The following MTARC1 variants were observed in gnomAD, a reference collection of about 807,000 sequenced individuals.
The protein encoded by MTARC1 is mitochondrial amidoxime-reducing component 1.
Under a neutral mutation model 33.6 loss-of-function variants are expected in MTARC1, and 24 were observed. The observed-to-expected ratio is 0.72, with a 90% CI of 0.52 to 1.01. MTARC1 has a LOEUF of 1.01. Ranked by LOEUF, MTARC1 falls within the 50% of genes least tolerant of loss-of-function variation. The pLI, the probability that MTARC1 is intolerant of heterozygous loss-of-function variation, is 0.00. For synonymous variants in MTARC1, 187 were observed against 189.5 expected, an observed-to-expected ratio of 0.99 and a Z score of 0.11; for missense variants, 417 against 445.7, an observed-to-expected ratio of 0.94 and a Z score of 0.58.
At chr1:220,791,461 C>T in intron 1 of MTARC1, 30 bp from the exon 2 acceptor site, 3 of 1,607,590 alleles carry the variant, frequency 1.9e-6, no homozygotes, top group Non-Finnish European at 2.6e-6. Context: ...CATAATGGTT[C>T]ACACATATCC....
At position 220,787,206 on chromosome 1, in the gene MTARC1, A is replaced by C. The variant is rs1311711737; in HGVS notation, c.262A>C (p.Asn88His). 1 of 1,572,938 alleles carries C rather than the reference A, an allele frequency of 6.4e-7. No homozygotes were observed. The highest frequency in any genetic ancestry group is 1.8e-5 in the Admixed American group (1 of 54,952). Reference sequence around the variant, plus strand: ...CACGGCCATGGGGCTGCGCAGCGGCAACCTGCGGGACAGGTACGGCCAAGC... The same window carrying C: ...CACGGCCATGGGGCTGCGCAGCGGCCACCTGCGGGACAGGTACGGCCAAGC... The part of the protein sequence containing the change: ...ECTAMGLRSG[N>H]LRDRFWLVIN... Residue 88 changes from asparagine to histidine, a missense_variant, in exon 1 of 7, where the codon AAC becomes CAC. Physicochemically the swap from Asn to His is moderately conservative, Grantham distance 68 (BLOSUM62 1). Coordinates refer to ENST00000366910, the MANE Select transcript of MTARC1 (RefSeq NM_022746.4).
chr1:220,803,819 T>C (rs1429036187), intron 4 of MTARC1, among the ~76,000 whole-genome samples: 2 of 152,184 alleles, frequency 1.3e-5, no homozygotes, highest in South Asian at 2.1e-4. Context: ...GTGACCATAG[T>C]GCCCCCTTGT....
rs72470601 is a variant in MTARC1, at chr1:220,798,000, G to A, written c.739G>A (p.Asp247Asn). 4.6e-4 allele frequency: 740 copies of A among 1,614,198 alleles called. 4 individuals are homozygous for A. The highest frequency in any genetic ancestry group is 2.9e-4 in the Non-Finnish European group (340 of 1,180,012). The change falls in exon 4 of 7, where the codon GAT becomes AAT. Residue 247 changes from aspartate to asparagine, a missense_variant. Coordinates refer to ENST00000366910, the MANE Select transcript of MTARC1 (RefSeq NM_022746.4). ...FRPNIVISGC[D>N]VYAEDSWDEL... ...GCCCAATATTGTAATTTCAGGATGC[G>A]ATGTCTATGCAGAGGTAACACTATG...
chr1:220,801,842 G>A (rs1672816267), intron 4 of MTARC1, among the ~76,000 whole-genome samples: 1 of 152,088 alleles, frequency 6.6e-6, no homozygotes, highest in South Asian at 2.1e-4. Context: ...CTGGAAAGCA[G>A]ACCCACTCCT....
At chr1:220,796,438 A>C (rs1446338138) in intron 2 of MTARC1, among the ~76,000 whole-genome samples, 1 of 152,228 alleles carries the variant, frequency 6.6e-6, no homozygotes, top group Non-Finnish European at 1.5e-5. Flanking sequence ...AAAATGAGGA[A>C]AGCAATGCTT....
chr1:220,814,998 AG>A lies in MTARC1; in HGVS notation c.*1581del, dbSNP rs1234240877. 10 of 152,354 alleles carry A rather than the reference AG, an allele frequency of 6.6e-5. No individual in the cohort carries two copies. Among genetic ancestry groups the A allele is most frequent in the African/African-American group, 2.2e-4 (9 of 41,588 alleles). The allele number at this position is 152,354 out of a possible 1,614,324, so 9.4% of individuals were successfully genotyped here. A position where few individuals can be genotyped will look rare whatever the true frequency, so the allele number is the denominator to read the frequency against. ...AGCCCTGAAGTAAAGTTCTGAGCAA[AG>A]AGGTGCATGTGCTTGTTTTATGGTT... On this transcript the variant is annotated 3_prime_UTR_variant, in exon 7 of 7. Coordinates refer to ENST00000366910, the MANE Select transcript of MTARC1 (RefSeq NM_022746.4).
intron 2 of MTARC1, chr1:220,793,524 C>T (rs530668262): frequency 2.0e-5 from 3 of 152,294 alleles, no homozygotes; most frequent in South Asian, 2.1e-4. Context: ...GACAGCCCAA[C>T]CTATTCTCTT....
At position 220,797,896 on chromosome 1, in the gene MTARC1, C is replaced by T; in HGVS notation, c.635C>T (p.Pro212Leu). 3 of 1,614,200 alleles carry T rather than the reference C, an allele frequency of 1.9e-6. No homozygotes were observed. Among genetic ancestry groups the T allele is most frequent in the East Asian group, 2.2e-5 (1 of 44,882 alleles). ...CAGATTGCTTACTCAGACACCAGCC[C>T]ATTCTTGATCCTTTCTGAGGCGTCG... is the stretch of plus-strand genomic sequence containing the variant. Reference protein sequence around the residue: ...KDQIAYSDTSPFLILSEASLA... With the variant: ...KDQIAYSDTSLFLILSEASLA... The change falls in exon 4 of 7, where the codon CCA (proline) becomes CTA (leucine). Residue 212 changes from proline to leucine, a missense_variant. Transcript: ENST00000366910.
At position 220,792,091 on chromosome 1, in the gene MTARC1, A is replaced by T. The variant is rs59611661; in HGVS notation, c.449+427A>T. Among the ~76,000 whole-genome samples, 534 of 152,276 alleles carry T rather than the reference A, an allele frequency of 3.5e-3. 1 individual carries two copies. The highest frequency in any genetic ancestry group is 0.01 in the Middle Eastern group (3 of 294). On this transcript the variant is annotated intron_variant, in intron 2 of 6. Transcript: ENST00000366910. The stretch of plus-strand genomic sequence containing the variant: ...GGGCACCTTCCAAGTCTGAGTTAGG[A>T]AAGGAGTTGCAAATGGCTATGTGAC...
At chr1:220,811,067 G>GGACT (rs1441811177) in intron 6 of MTARC1, among the ~76,000 whole-genome samples, 2 of 152,208 alleles carry the variant, frequency 1.3e-5, no homozygotes, top group Non-Finnish European at 2.9e-5. Flanking sequence ...ATGAGAGTCT[G>GGACT]GACTCTTAGA....
chr1:220,811,020 T>C (rs1218285336), intron 6 of MTARC1, among the ~76,000 whole-genome samples: 1 of 152,200 alleles, frequency 6.6e-6, no homozygotes, highest in African/African-American at 2.4e-5. Flanking sequence ...CCATGTGTGA[T>C]GCGCAGAACT....
chr1:220,813,138 C>T (rs531413934), intron 6 of MTARC1, among the ~76,000 whole-genome samples, 154 bp from the exon 7 acceptor site: 11 of 152,190 alleles, frequency 7.2e-5, no homozygotes, highest in Non-Finnish European at 1.3e-4. Context: ...CTGTTCACTG[C>T]CCCACTCCAG....
chr1:220,797,476 T>C (rs892014440), intron 3 of MTARC1, among the ~76,000 whole-genome samples: 1 of 152,170 alleles, frequency 6.6e-6, no homozygotes, highest in African/African-American at 2.4e-5. Flanking sequence ...TCAACATAAA[T>C]ATTAATTTGT....
At chr1:220,807,827 C>T (rs1673014717) in intron 6 of MTARC1, among the ~76,000 whole-genome samples, 1 of 152,108 alleles carries the variant, frequency 6.6e-6, no homozygotes, top group Non-Finnish European at 1.5e-5. Flanking sequence ...AGAATTCAGT[C>T]TTCCTGTTTT....
intron 4 of MTARC1, chr1:220,798,731 G>C (rs1384749722): frequency 3.9e-6 from 3 of 767,094 alleles, no homozygotes; most frequent in Non-Finnish European, 4.8e-6. Context: ...CCACAGCTAG[G>C]AATTCAGGAG....
intron 4 of MTARC1, among the ~76,000 whole-genome samples, chr1:220,801,747 GAGA>G (rs1479249013): frequency 6.6e-6 from 1 of 152,126 alleles, no homozygotes; most frequent in Non-Finnish European, 1.5e-5. Flanking sequence ...CAGGAGCCTG[GAGA>G]AGGATTAGCG....
At chr1:220,797,805 A>T (rs1672668505) in intron 3 of MTARC1, 69 bp from the exon 4 acceptor site, 1 of 1,474,410 alleles carries the variant, frequency 6.8e-7, no homozygotes, top group African/African-American at 1.4e-5. Flanking sequence ...TATGTCTAGG[A>T]ACTAGGCACA....
In MTARC1 at chr1:220,819,048, T is replaced by G. The variant is rs1160523677; in HGVS notation, c.*5630T>G. 6.6e-6 allele frequency: 1 copy of G among 152,190 alleles called. No individual in the cohort carries two copies. The highest frequency in any genetic ancestry group is 1.5e-5 in the Non-Finnish European group (1 of 68,034). 9.4% of individuals were successfully genotyped at this position (152,190 alleles called of 1,614,324 possible). Reference sequence around the variant, plus strand: ...TCCTGTCGTCTGGATGCCATAACATTGGAGGAATGATGATCGTTTCTTGGA... The same window carrying G: ...TCCTGTCGTCTGGATGCCATAACATGGGAGGAATGATGATCGTTTCTTGGA... On this transcript the variant is annotated 3_prime_UTR_variant, in exon 7 of 7. Transcript: ENST00000366910.
intron 6 of MTARC1, among the ~76,000 whole-genome samples, chr1:220,807,141 A>G (rs1672994941): frequency 6.6e-6 from 1 of 151,178 alleles, no homozygotes; most frequent in Non-Finnish European, 1.5e-5. Flanking sequence ...TTTCACCTCA[A>G]AAAAAAAAGC....
Sources: allele counts gnomAD v4.1 joint callset (sites outside exome capture counted in the v4.1 genomes callset), GRCh38; gene constraint gnomAD v4.1.1; transcripts MANE v1.5; gene names NCBI Gene and HGNC (gene_info 2026-07-23, HGNC 2026-07-21).